The following RNF125 variants were observed in gnomAD, a reference collection of about 807,000 sequenced individuals.
RNF125 encodes ring finger protein 125.
Under a neutral mutation model 26.0 loss-of-function variants are expected in RNF125, and 21 were observed. The observed-to-expected ratio is 0.81, with a 90% CI of 0.57 to 1.16. RNF125 has a LOEUF of 1.16. Among genes scored for constraint, RNF125 ranks in the 50% most tolerant of loss-of-function variants. The probability of loss-of-function intolerance (pLI) is 0.00; values close to 1 mark genes in which losing one functional copy is unlikely to be tolerated. For missense variants in RNF125, 270 were observed against 299.4 expected (o/e 0.90, Z 0.72); for synonymous variants, 95 against 109.2 (o/e 0.87, Z 0.81).
rs1598824356 is a variant in RNF125, at chr18:32,058,418, T to G, written c.505-7484T>G. ...TAGAGTGCAGTGGTGCGATCTTGGCTCACTGTGACCTCCGCCTCTCAGGTT... is the reference window on the plus strand; with the variant it reads ...TAGAGTGCAGTGGTGCGATCTTGGCGCACTGTGACCTCCGCCTCTCAGGTT... On this transcript the variant is annotated intron_variant, in intron 4 of 5. Transcript: ENST00000217740. Among the ~76,000 whole-genome samples the G allele has an allele frequency of 5.3e-5, 8 of 152,182 alleles. 2 individuals carry two copies. Among genetic ancestry groups the G allele is most frequent in the Admixed American group, 5.2e-4 (8 of 15,268 alleles).
intron 4 of RNF125, among the ~76,000 whole-genome samples, chr18:32,063,495 C>T (rs1352397329): frequency 6.6e-6 from 1 of 152,140 alleles, no homozygotes; most frequent in Non-Finnish European, 1.5e-5. Context: ...AGTACAGCCA[C>T]TCTGGAAAAC....
At chr18:32,056,025 A>T (rs1345362889) in intron 4 of RNF125, among the ~76,000 whole-genome samples, 1 of 151,676 alleles carries the variant, frequency 6.6e-6, no homozygotes, top group Non-Finnish European at 1.5e-5. Flanking sequence ...ATTAAAAAAA[A>T]TTTAAACCCT....
the RNF125 span, among the ~76,000 whole-genome samples, chr18:32,085,017 GAA>G: frequency 6.6e-6 from 1 of 152,132 alleles, no homozygotes; most frequent in East Asian, 1.9e-4. Flanking sequence ...TGTGAGGAGA[GAA>G]TTTAAGCTTA....
chr18:32,058,187 T>C lies in RNF125; in HGVS notation c.505-7715T>C, dbSNP rs937451508. On this transcript the variant is annotated intron_variant, in intron 4 of 5. Coordinates refer to ENST00000217740, the MANE Select transcript of RNF125 (RefSeq NM_017831.4). ...GGCAAGTGAGAAGTATGACCATATA[T>C]GTACTTTCAATTTTTGTGGATGCAT... is the stretch of plus-strand genomic sequence containing the variant. 2.6e-5 allele frequency among the ~76,000 whole-genome samples: 4 copies of C among 150,978 alleles called. No individual in the cohort carries two copies. The East Asian group carries it at 7.7e-4, about 29-fold the overall frequency.
At chr18:32,081,767 G>T in the RNF125 span, among the ~76,000 whole-genome samples, 4 of 152,050 alleles carry the variant, frequency 2.6e-5, no homozygotes, top group Admixed American at 6.6e-5. Context: ...ATTATTGTGT[G>T]GTTTCTCTCT....
chr18:32,083,738 C>A, the RNF125 span, among the ~76,000 whole-genome samples: 26 of 151,788 alleles, frequency 1.7e-4, no homozygotes, highest in East Asian at 5.1e-3. Flanking sequence ...ATGGCCAAAC[C>A]CCATCTCTAC....
chr18:32,057,789 CTT>C (rs2039399753), intron 4 of RNF125, among the ~76,000 whole-genome samples: 1 of 152,060 alleles, frequency 6.6e-6, no homozygotes, highest in Non-Finnish European at 1.5e-5. Flanking sequence ...TGTTCTCAAA[CTT>C]TATCATGCAT....
chr18:32,087,489 T>C, the RNF125 span, among the ~76,000 whole-genome samples: 17 of 151,626 alleles, frequency 1.1e-4, no homozygotes, highest in Non-Finnish European at 2.4e-4. Context: ...TCTGGGTAGG[T>C]AGGAACTGAA....
the RNF125 span, among the ~76,000 whole-genome samples, chr18:32,082,430 A>G: frequency 1.7e-3 from 257 of 152,262 alleles, 6 homozygotes; most frequent in East Asian, 0.043. Flanking sequence ...ATTTGGGCCA[A>G]GTTTGAGATC....
intron 2 of RNF125, among the ~76,000 whole-genome samples, chr18:32,039,351 G>A (rs1001536913): frequency 2.6e-5 from 4 of 151,962 alleles, no homozygotes; most frequent in African/African-American, 9.7e-5. Flanking sequence ...AACTATGATC[G>A]TGCCACTGCA....
downstream of RNF125, among the ~76,000 whole-genome samples, chr18:32,075,452 G>A (rs535879397): frequency 6.6e-6 from 1 of 152,234 alleles, no homozygotes; most frequent in Non-Finnish European, 1.5e-5. Context: ...CCAGCACTTT[G>A]GGAGGCCAAG....
chr18:32,058,992 G>A (rs1003378931), intron 4 of RNF125, among the ~76,000 whole-genome samples: 3 of 152,166 alleles, frequency 2.0e-5, no homozygotes, highest in Admixed American at 6.5e-5. Context: ...TACTCCATAT[G>A]TACCATGCTT....
chr18:32,045,353 G>A (rs1181789955), intron 3 of RNF125, among the ~76,000 whole-genome samples: 1 of 151,812 alleles, frequency 6.6e-6, no homozygotes, highest in Non-Finnish European at 1.5e-5. Context: ...TAAGTCAGGA[G>A]TTCGAGACCA....
the RNF125 span, among the ~76,000 whole-genome samples, chr18:32,085,030 C>A: frequency 5.9e-5 from 9 of 152,246 alleles, no homozygotes; most frequent in Non-Finnish European, 1.3e-4. Context: ...TTTAAGCTTA[C>A]AATGAAAAGT....
At chr18:32,058,975 T>C (rs1185341963) in intron 4 of RNF125, among the ~76,000 whole-genome samples, 1 of 152,234 alleles carries the variant, frequency 6.6e-6, no homozygotes, top group Non-Finnish European at 1.5e-5. Flanking sequence ...TTTTTATGAC[T>C]GAATGGTACT....
chr18:32,050,356 G>A (rs61149598), intron 4 of RNF125, among the ~76,000 whole-genome samples: 13,892 of 152,126 alleles, frequency 0.091, 2,053 homozygotes, highest in African/African-American at 0.31. Context: ...GTCTCGCTCT[G>A]TCACCCAGGC....
intron 1 of RNF125, 110 bp downstream of exon 1, chr18:32,019,137 T>C (rs1358274184): frequency 1.0e-5 from 14 of 1,349,134 alleles, no homozygotes; most frequent in African/African-American, 6.0e-5. Context: ...TCTTAGGAAA[T>C]TGCTGCAGGG....
chr18:32,089,022 G>A, the RNF125 span, among the ~76,000 whole-genome samples: 2 of 152,196 alleles, frequency 1.3e-5, no homozygotes, highest in African/African-American at 4.8e-5. Context: ...GACAGTAGTT[G>A]TGTTGAGAGC....
At chr18:32,059,291 G>A (rs1436624233) in intron 4 of RNF125, among the ~76,000 whole-genome samples, 1 of 152,096 alleles carries the variant, frequency 6.6e-6, no homozygotes. Context: ...CTGTTATTGT[G>A]TGACTTTTGG....
Sources: allele counts gnomAD v4.1 joint callset (sites outside exome capture counted in the v4.1 genomes callset), GRCh38; gene constraint gnomAD v4.1.1; transcripts MANE v1.5; gene names NCBI Gene and HGNC (gene_info 2026-07-23, HGNC 2026-07-21).